GPM6A: variants seen among roughly 807,000 people sequenced by gnomAD.
GPM6A encodes neuronal membrane glycoprotein M6-a.
Under a neutral mutation model 32.1 loss-of-function variants are expected in GPM6A, and 7 were observed. The ratio of observed to expected loss-of-function variants is 0.22; its 90% CI spans 0.12 to 0.41. GPM6A has a LOEUF of 0.41. GPM6A is among the 10% of genes least tolerant of loss of function. GPM6A has a pLI of 1.00. For missense variants in GPM6A, 235 were observed against 347.2 expected (o/e 0.68, Z 2.57); for synonymous variants, 130 against 123.4 (o/e 1.05, Z -0.35).
At chr4:175,637,682 TATA>T (rs1291634431) in intron 6 of GPM6A, among the ~76,000 whole-genome samples, 6 of 1,444 alleles carry the variant, frequency 4.2e-3, no homozygotes, top group African/African-American at 0.012. Context: ...ATAATATATA[TATA>T]ATATATAATA....
chr4:175,756,651 A>T (rs1188544819), intron 1 of GPM6A, among the ~76,000 whole-genome samples: 6 of 152,160 alleles, frequency 3.9e-5, no homozygotes, highest in African/African-American at 1.4e-4. Context: ...TCTAATGGGC[A>T]GAATGATGTG....
chr4:175,974,362 A>G (rs1198608086), intron 1 of GPM6A, among the ~76,000 whole-genome samples: 1 of 151,992 alleles, frequency 6.6e-6, no homozygotes, highest in African/African-American at 2.4e-5. Flanking sequence ...TGTTTGATCG[A>G]TTGTTTGTTT....
chr4:175,657,188 C>T (rs987477171), intron 3 of GPM6A, among the ~76,000 whole-genome samples: 3 of 152,210 alleles, frequency 2.0e-5, no homozygotes, highest in Non-Finnish European at 4.4e-5. Flanking sequence ...ATGTTTCCCA[C>T]TTTAACAACA....
At chr4:175,800,832 A>C in intron 1 of GPM6A, 1 of 197,734 alleles carries the variant, frequency 5.1e-6, no homozygotes, top group Non-Finnish European at 1.2e-5. Context: ...CTCATAACAG[A>C]ATGGCATTCC....
chr4:175,924,638 G>A (rs1012461092), intron 1 of GPM6A, among the ~76,000 whole-genome samples: 18 of 152,010 alleles, frequency 1.2e-4, no homozygotes, highest in African/African-American at 3.6e-4. Flanking sequence ...TCAGGGGTTC[G>A]AGACCAGCCT....
intron 3 of GPM6A, among the ~76,000 whole-genome samples, chr4:175,665,071 G>A (rs568569587): frequency 6.6e-5 from 10 of 152,216 alleles, no homozygotes; most frequent in African/African-American, 2.2e-4. Context: ...AAGCCTACAG[G>A]ACCACCCTCT....
chr4:175,908,452 C>T (rs1738200287), intron 1 of GPM6A, among the ~76,000 whole-genome samples: 1 of 152,118 alleles, frequency 6.6e-6, no homozygotes, highest in South Asian at 2.1e-4. Context: ...TAGTGTTACT[C>T]ATTCCCCTGG....
intron 2 of GPM6A, among the ~76,000 whole-genome samples, chr4:175,700,151 C>T (rs1231758326): frequency 1.3e-5 from 2 of 152,014 alleles, no homozygotes; most frequent in Non-Finnish European, 2.9e-5. Flanking sequence ...GCATGAGCCA[C>T]CACACCCGGC....
At chr4:175,682,157 G>T (rs775357111) in intron 2 of GPM6A, among the ~76,000 whole-genome samples, 3 of 152,098 alleles carry the variant, frequency 2.0e-5, no homozygotes, top group Non-Finnish European at 2.9e-5. Flanking sequence ...GAAGAACTTG[G>T]CTGCATTTTG....
intron 1 of GPM6A, among the ~76,000 whole-genome samples, chr4:175,702,595 A>G (rs951329217): frequency 1.3e-5 from 2 of 151,980 alleles, no homozygotes; most frequent in Non-Finnish European, 2.9e-5. Context: ...GCTCACTGCA[A>G]TCTCTGCCTC....
At chr4:175,869,948 CA>C (rs781261583) in intron 1 of GPM6A, among the ~76,000 whole-genome samples, 16 of 152,148 alleles carry the variant, frequency 1.1e-4, no homozygotes, top group Non-Finnish European at 1.6e-4. Context: ...AAAAATTACA[CA>C]AGGTCACATA....
chr4:175,930,290 T>C (rs2126306925), intron 1 of GPM6A, among the ~76,000 whole-genome samples: 1 of 152,226 alleles, frequency 6.6e-6, no homozygotes, highest in African/African-American at 2.4e-5. Context: ...GTTTATTTTA[T>C]AGTCAAGATT....
At chr4:175,945,543 A>T (rs1230923755) in intron 1 of GPM6A, among the ~76,000 whole-genome samples, 1 of 151,868 alleles carries the variant, frequency 6.6e-6, no homozygotes, top group Non-Finnish European at 1.5e-5. Flanking sequence ...AGTTGTAAGT[A>T]ATACGCACCC....
intron 1 of GPM6A, among the ~76,000 whole-genome samples, chr4:175,763,229 G>C (rs144019143): frequency 0.012 from 1,812 of 152,100 alleles, 32 homozygotes; most frequent in Admixed American, 0.05. Flanking sequence ...GGCCAGGCTG[G>C]TCTCGAACTC....
In GPM6A at chr4:175,876,211, G is replaced by A. The variant is rs1033622020; in HGVS notation, c.-22-63962C>T. 3.3e-5 allele frequency among the ~76,000 whole-genome samples: 5 copies of A among 152,232 alleles called. No individual in the cohort carries two copies. The East Asian group carries it at 9.7e-4, about 29-fold the overall frequency. On this transcript the variant is annotated intron_variant, in intron 1 of 7. Coordinates refer to the GPM6A transcript ENST00000280187. The stretch of plus-strand genomic sequence containing the variant: ...AGTATTACTGTGGGTAGAAACCTAA[G>A]AGGAGTGTGGTGACAATCCCATGAG...
intron 1 of GPM6A, among the ~76,000 whole-genome samples, chr4:175,789,451 A>T (rs1475808273): frequency 6.6e-6 from 1 of 152,176 alleles, no homozygotes; most frequent in African/African-American, 2.4e-5. Context: ...TGTTCAATTT[A>T]TCTTGTTTTT....
intron 1 of GPM6A, among the ~76,000 whole-genome samples, chr4:175,980,375 A>T (rs541752668): frequency 6.6e-6 from 1 of 152,274 alleles, no homozygotes; most frequent in Non-Finnish European, 1.5e-5. Context: ...AAAACAAAAC[A>T]AAAACCTTGA....
intron 1 of GPM6A, among the ~76,000 whole-genome samples, chr4:175,858,387 C>A (rs1051344404): frequency 6.6e-6 from 1 of 151,956 alleles, no homozygotes; most frequent in African/African-American, 2.4e-5. Context: ...CAAAAATTAG[C>A]TGGGTGTGGT....
At chr4:175,950,976 C>A (rs949521086) in intron 1 of GPM6A, among the ~76,000 whole-genome samples, 13 of 152,222 alleles carry the variant, frequency 8.5e-5, no homozygotes, top group African/African-American at 3.1e-4. Context: ...ATTTGTAAGA[C>A]TTTTTTTTTT....
Sources: allele counts gnomAD v4.1 joint callset (sites outside exome capture counted in the v4.1 genomes callset), GRCh38; gene constraint gnomAD v4.1.1; transcripts MANE v1.5; gene names NCBI Gene and HGNC (gene_info 2026-07-23, HGNC 2026-07-21).